The following PLAAT3 variants were observed in gnomAD, a reference collection of about 807,000 sequenced individuals.
The protein encoded by PLAAT3 is phospholipase A and acyltransferase 3, also known as Ca-independent phospholipase A1/2.
In PLAAT3, 21 loss-of-function variants were observed where a neutral mutation model predicts 16.7. That is an observed-to-expected ratio of 1.26 (90% CI 0.89 to 1.81). The LOEUF (loss-of-function observed/expected upper bound fraction) is 1.81, where lower values mean the gene tolerates loss of function less well. Ranked by LOEUF, PLAAT3 falls within the 40% of genes most tolerant of loss-of-function variation. PLAAT3 has a pLI of 0.00. For synonymous variants in PLAAT3, 76 were observed against 81.7 expected, an observed-to-expected ratio of 0.93 and a Z score of 0.38; for missense variants, 219 against 213.7, an observed-to-expected ratio of 1.02 and a Z score of -0.16.
chr11:63,582,688 C>T (rs1009274135), intron 4 of PLAAT3, among the ~76,000 whole-genome samples: 1 of 152,202 alleles, frequency 6.6e-6, no homozygotes, highest in Non-Finnish European at 1.5e-5. Flanking sequence ...GTGTTAATTA[C>T]ACTGCTGTGT....
At chr11:63,581,613 C>T (rs1203263090) in intron 4 of PLAAT3, among the ~76,000 whole-genome samples, 4 of 152,192 alleles carry the variant, frequency 2.6e-5, no homozygotes, top group Admixed American at 6.5e-5. Context: ...TCTAATTTTG[C>T]TTTCACCTTG....
rs776280361 is a variant in PLAAT3, at chr11:63,590,330, C to A, written c.157G>T (p.Ala53Ser). ...TTCACGATGGCCTTGTCAGTCAGGGCGGACATGACACTGGCTGCACCAGCT... is the reference window on the plus strand; with the variant it reads ...TTCACGATGGCCTTGTCAGTCAGGGAGGACATGACACTGGCTGCACCAGCT... ...AGAGAASVMS[A>S]LTDKAIVKKE... The change falls in exon 4 of 5, where the codon GCC becomes TCC. Residue 53 changes from alanine to serine, a missense_variant. Coordinates refer to ENST00000415826, the MANE Select transcript of PLAAT3 (RefSeq NM_001128203.2). The A allele has an allele frequency of 6.2e-7, 1 of 1,613,902 alleles. No homozygotes were observed. Among genetic ancestry groups the A allele is most frequent in the East Asian group, 2.2e-5 (1 of 44,882 alleles).
At chr11:63,600,439 T>A (rs1159360061) in intron 2 of PLAAT3, among the ~76,000 whole-genome samples, 1 of 152,196 alleles carries the variant, frequency 6.6e-6, no homozygotes, top group Non-Finnish European at 1.5e-5. Context: ...CATCTATATG[T>A]CATTCCAGAG....
At chr11:63,613,727 C>CCT (rs1247649103) in intron 2 of PLAAT3, among the ~76,000 whole-genome samples, 3 of 152,072 alleles carry the variant, frequency 2.0e-5, no homozygotes, top group Admixed American at 1.3e-4. Flanking sequence ...ACAGACCTGC[C>CCT]CTGGCCACCT....
At chr11:63,583,287 G>A (rs966893541) in intron 4 of PLAAT3, among the ~76,000 whole-genome samples, 8 of 152,188 alleles carry the variant, frequency 5.3e-5, no homozygotes, top group African/African-American at 1.9e-4. Flanking sequence ...GGGTTAACTT[G>A]CTAGGGAACC....
chr11:63,609,592 G>C (rs1224565766), intron 2 of PLAAT3, among the ~76,000 whole-genome samples: 3 of 152,240 alleles, frequency 2.0e-5, no homozygotes, highest in Non-Finnish European at 4.4e-5. Flanking sequence ...CGCAGGCTGG[G>C]TGAGGACAGG....
chr11:63,593,341 G>T (rs1040996456), intron 3 of PLAAT3, among the ~76,000 whole-genome samples: 17 of 152,368 alleles, frequency 1.1e-4, no homozygotes, highest in African/African-American at 3.4e-4. Context: ...AGGCATCTTT[G>T]CTGAAGCTTG....
At chr11:63,589,412 A>AT (rs1938077796) in intron 4 of PLAAT3, among the ~76,000 whole-genome samples, 5 of 137,918 alleles carry the variant, frequency 3.6e-5, no homozygotes, top group African/African-American at 1.1e-4. Flanking sequence ...ACCTATGCAA[A>AT]GAAAAAAAAA....
At chr11:63,582,311 G>A (rs1392590201) in intron 4 of PLAAT3, among the ~76,000 whole-genome samples, 1 of 152,192 alleles carries the variant, frequency 6.6e-6, no homozygotes, top group Non-Finnish European at 1.5e-5. Context: ...TCCAAAGGAT[G>A]ACAGCCAAGG....
chr11:63,603,049 C>T lies in PLAAT3; in HGVS notation c.16-4886G>A, dbSNP rs150190162. On this transcript the variant is annotated intron_variant, in intron 2 of 4. Transcript: ENST00000415826. The stretch of plus-strand genomic sequence containing the variant: ...CGGAGGTTGCAGTGAGCTGAGATCA[C>T]GCCATTGCACTCCAGCCTGGGCAAC... Among the ~76,000 whole-genome samples, 1,476 of 152,246 alleles carry T rather than the reference C, an allele frequency of 9.7e-3. 22 individuals are homozygous for T. Among genetic ancestry groups the T allele is most frequent in the African/African-American group, 0.034 (1,392 of 41,538 alleles).
At chr11:63,582,720 A>G (rs1217073877) in intron 4 of PLAAT3, among the ~76,000 whole-genome samples, 1 of 152,112 alleles carries the variant, frequency 6.6e-6, no homozygotes, top group Admixed American at 6.6e-5. Context: ...AAACACAACT[A>G]TGTGTTTCCT....
At chr11:63,578,224 AG>A (rs1937678889) in intron 4 of PLAAT3, among the ~76,000 whole-genome samples, 1 of 152,094 alleles carries the variant, frequency 6.6e-6, no homozygotes, top group South Asian at 2.1e-4. Context: ...CAGAGGTTGC[AG>A]TGAGCTGAGA....
At chr11:63,601,056 T>A (rs7396904) in intron 2 of PLAAT3, among the ~76,000 whole-genome samples, 86,623 of 95,888 alleles carry the variant, frequency 0.9, 38,875 homozygotes, top group Non-Finnish European at 0.97. Flanking sequence ...AAAAAAAAAA[T>A]TTTTTTTTTT....
At chr11:63,597,925 C>T (rs558823280) in intron 3 of PLAAT3, 136 bp downstream of exon 3, 1 of 658,136 alleles carries the variant, frequency 1.5e-6, no homozygotes, top group East Asian at 2.7e-5. Flanking sequence ...CCATATCAAA[C>T]TTCTTGTAAC....
intron 2 of PLAAT3, among the ~76,000 whole-genome samples, chr11:63,600,214 C>T (rs1938389791): frequency 6.6e-6 from 1 of 152,194 alleles, no homozygotes; most frequent in South Asian, 2.1e-4. Context: ...AACTCCTGGG[C>T]TCAAGGGAAC....
chr11:63,585,955 A>C (rs1026713107), intron 4 of PLAAT3, among the ~76,000 whole-genome samples: 1 of 152,072 alleles, frequency 6.6e-6, no homozygotes, highest in African/African-American at 2.4e-5. Context: ...AGTGGCTCAC[A>C]TCTATAATTC....
upstream of PLAAT3, among the ~76,000 whole-genome samples, chr11:63,614,678 A>G (rs1174021330): frequency 6.6e-6 from 1 of 151,780 alleles, no homozygotes; most frequent in Admixed American, 6.6e-5. Context: ...TTTCGCCTTC[A>G]CTCAAGAATG....
chr11:63,586,051 T>C (rs1937963810), intron 4 of PLAAT3, among the ~76,000 whole-genome samples: 1 of 152,106 alleles, frequency 6.6e-6, no homozygotes. Context: ...ACCCTGTCTC[T>C]ACAAAAAATA....
intron 3 of PLAAT3, among the ~76,000 whole-genome samples, chr11:63,591,627 G>A (rs565087020): frequency 3.3e-5 from 5 of 152,324 alleles, no homozygotes; most frequent in East Asian, 3.9e-4. Flanking sequence ...GCTCTTCTCC[G>A]CTTTCCAAAG....
Sources: gnomAD v4.1 joint callset for allele counts (sites outside exome capture counted in the v4.1 genomes callset) on GRCh38, gnomAD v4.1.1 for gene constraint, MANE v1.5 for transcripts, NCBI Gene and HGNC (gene_info 2026-07-23, HGNC 2026-07-21) for gene names.